The following RGPD2 variants were observed in gnomAD, a reference collection of about 807,000 sequenced individuals.
RGPD2 encodes the protein RANBP2-like and GRIP domain-containing protein 2.
Under a neutral mutation model 36.0 loss-of-function variants are expected in RGPD2, and 2 were observed. That is an observed-to-expected ratio of 0.06 (90% CI 0.02 to 0.17). The LOEUF (loss-of-function observed/expected upper bound fraction) is 0.17, where lower values mean the gene tolerates loss of function less well. Ranked by LOEUF, RGPD2 falls within the 10% of genes least tolerant of loss-of-function variation. The pLI is 1.00. For missense variants in RGPD2, 40 were observed against 464.3 expected (o/e 0.09, Z 8.40); for synonymous variants, 19 against 163.8 (o/e 0.12, Z 6.75).
chr2:87,867,158 C>G, the RGPD2 span, among the ~76,000 whole-genome samples: 1 of 150,530 alleles, frequency 6.6e-6, no homozygotes, highest in African/African-American at 2.4e-5. Context: ...TTGTCCCAAA[C>G]TCAATTACAA....
At chr2:87,825,505 A>C (rs1254383116) in intron 1 of RGPD2, among the ~76,000 whole-genome samples, 153 bp downstream of exon 1, 24 of 53,480 alleles carry the variant, frequency 4.5e-4, no homozygotes, top group Non-Finnish European at 7.9e-4. Flanking sequence ...GCCGAGGCCG[A>C]GGCCGAGGCC....
chr2:87,882,196 T>C, the RGPD2 span, among the ~76,000 whole-genome samples: 1 of 152,280 alleles, frequency 6.6e-6, no homozygotes, highest in Non-Finnish European at 1.5e-5. Context: ...ACACAGTTTT[T>C]TTTTTTCTGT....
the RGPD2 span, among the ~76,000 whole-genome samples, chr2:87,948,436 C>T: frequency 3.3e-5 from 5 of 150,778 alleles, no homozygotes; most frequent in African/African-American, 1.2e-4. Context: ...GGCTAGAGTG[C>T]AATGGCACAA....
upstream of RGPD2, among the ~76,000 whole-genome samples, chr2:87,829,467 A>G (rs1339769453): frequency 6.6e-6 from 1 of 151,896 alleles, no homozygotes; most frequent in Non-Finnish European, 1.5e-5. Context: ...TCACACCATT[A>G]TGAAGAAATA....
chr2:87,972,881 C>A, the RGPD2 span: 1 of 1,611,928 alleles, frequency 6.2e-7, no homozygotes, highest in Non-Finnish European at 8.5e-7. Context: ...TTGGGCCTTC[C>A]GCCACCGACG....
chr2:87,814,754 C>T (rs1231498543), intron 4 of RGPD2, among the ~76,000 whole-genome samples: 3 of 1,624 alleles, frequency 1.8e-3, no homozygotes, highest in African/African-American at 0.014. Flanking sequence ...CAAAAATAAG[C>T]GGGACACGGT....
the RGPD2 span, chr2:87,985,821 A>C: frequency 8.9e-5 from 143 of 1,611,224 alleles, no homozygotes; most frequent in African/African-American, 4.0e-4. Context: ...ACTGGGTCCT[A>C]CTGGAGCACT....
At chr2:87,973,085 C>CCCG in the RGPD2 span, 1 of 1,463,542 alleles carries the variant, frequency 6.8e-7, no homozygotes, top group Non-Finnish European at 9.5e-7. Flanking sequence ...CCCGCCTCCG[C>CCCG]GCCTTATACT....
chr2:87,878,744 AC>A, the RGPD2 span, among the ~76,000 whole-genome samples: 5 of 152,050 alleles, frequency 3.3e-5, no homozygotes, highest in Non-Finnish European at 7.4e-5. Flanking sequence ...CCAAACGCTT[AC>A]CCCCACAGCC....
At chr2:87,890,525 ATT>A in the RGPD2 span, among the ~76,000 whole-genome samples, 96 of 151,776 alleles carry the variant, frequency 6.3e-4, no homozygotes, top group African/African-American at 2.2e-3. Flanking sequence ...TGTTCTAGAC[ATT>A]TTTTTGTGTG....
chr2:87,915,271 T>C, the RGPD2 span, among the ~76,000 whole-genome samples: 3 of 142,198 alleles, frequency 2.1e-5, no homozygotes, highest in Non-Finnish European at 4.5e-5. Context: ...CGTGTGTGTG[T>C]GTGTATATAT....
the RGPD2 span, among the ~76,000 whole-genome samples, chr2:87,978,918 T>TA: frequency 0.13 from 16,301 of 129,684 alleles, 1,039 homozygotes; most frequent in Non-Finnish European, 0.16. Flanking sequence ...CCCCGTCTCT[T>TA]AAAAAAAAAA....
chr2:87,825,914 C>T (rs982391107), upstream of RGPD2: 15 of 739,400 alleles, frequency 2.0e-5, no homozygotes, highest in East Asian at 7.2e-5. Context: ...TGCACTCGGC[C>T]GGGCTCTTGG....
At chr2:87,905,234 A>C in the RGPD2 span, among the ~76,000 whole-genome samples, 2 of 152,282 alleles carry the variant, frequency 1.3e-5, no homozygotes, top group Non-Finnish European at 2.9e-5. Context: ...GCGCTGTCAC[A>C]GGACACGAAC....
the RGPD2 span, among the ~76,000 whole-genome samples, chr2:87,957,436 G>T: frequency 6.6e-6 from 1 of 151,924 alleles, no homozygotes; most frequent in African/African-American, 2.4e-5. Flanking sequence ...GCACAGTTTT[G>T]GTGACTGGGA....
chr2:87,885,877 C>A, the RGPD2 span, among the ~76,000 whole-genome samples: 2 of 151,804 alleles, frequency 1.3e-5, no homozygotes, highest in Non-Finnish European at 2.9e-5. Flanking sequence ...TTCAAAAAAA[C>A]TTCTAAATGC....
chr2:87,830,839 C>T, the RGPD2 span, among the ~76,000 whole-genome samples: 2 of 151,938 alleles, frequency 1.3e-5, no homozygotes, highest in African/African-American at 4.8e-5. Flanking sequence ...GAAAAACCCA[C>T]CCCCATGATT....
the RGPD2 span, among the ~76,000 whole-genome samples, chr2:87,916,036 C>A: frequency 1.3e-5 from 2 of 150,406 alleles, no homozygotes; most frequent in Admixed American, 6.6e-5. Context: ...CCTACTAAAT[C>A]TTTTCATTCT....
chr2:87,947,376 G>A, the RGPD2 span, among the ~76,000 whole-genome samples: 1 of 152,300 alleles, frequency 6.6e-6, no homozygotes, highest in South Asian at 2.1e-4. Context: ...TTAGTGAGAG[G>A]AGGGGCCAGC....
Sources: gnomAD v4.1 joint callset for allele counts (sites outside exome capture counted in the v4.1 genomes callset) on GRCh38, gnomAD v4.1.1 for gene constraint, MANE v1.5 for transcripts, NCBI Gene and HGNC (gene_info 2026-07-23, HGNC 2026-07-21) for gene names.